The following ERICH3 variants were observed in gnomAD, a reference collection of about 807,000 sequenced individuals.
ERICH3 encodes glutamate rich 3, also known as glutamate-rich protein 3.
In ERICH3, 126 loss-of-function variants were observed where a neutral mutation model predicts 131.1. That is an observed-to-expected ratio of 0.96 (90% CI 0.83 to 1.11). The LOEUF is 1.11. Among genes scored for constraint, ERICH3 ranks in the 50% most tolerant of loss-of-function variants. The pLI is 0.00. For missense variants in ERICH3, 2,050 were observed against 1,810.7 expected (o/e 1.13, Z -2.40); for synonymous variants, 695 against 644.6 (o/e 1.08, Z -1.18).
intron 11 of ERICH3, among the ~76,000 whole-genome samples, chr1:74,598,166 C>T (rs755569864): frequency 6.7e-4 from 101 of 151,820 alleles, no homozygotes; most frequent in Non-Finnish European, 1.1e-3. Flanking sequence ...TAAAATTATA[C>T]TTTCTTATAT....
chr1:74,576,968 T>C (rs760009007), intron 12 of ERICH3, 32 bp from the exon 13 acceptor site: 4 of 1,544,878 alleles, frequency 2.6e-6, no homozygotes, highest in Admixed American at 3.8e-5. Context: ...AAAAAAAAGG[T>C]CAAATGAATC....
At chr1:74,592,753 C>T (rs1406335555) in intron 11 of ERICH3, among the ~76,000 whole-genome samples, 1 of 152,124 alleles carries the variant, frequency 6.6e-6, no homozygotes, top group Non-Finnish European at 1.5e-5. Flanking sequence ...CATACAAACT[C>T]ATTTCAGTTT....
chr1:74,636,809 T>A (rs1646393875), intron 5 of ERICH3, among the ~76,000 whole-genome samples: 1 of 152,138 alleles, frequency 6.6e-6, no homozygotes, highest in African/African-American at 2.4e-5. Context: ...ATTTTAGGGG[T>A]CTAAAAGGAT....
intron 6 of ERICH3, chr1:74,634,685 C>T (rs768062201): frequency 3.5e-5 from 25 of 714,506 alleles, no homozygotes; most frequent in Admixed American, 6.0e-5. Flanking sequence ...ATGGAAAGCA[C>T]CCATCCAAGT....
intron 13 of ERICH3, among the ~76,000 whole-genome samples, chr1:74,576,554 T>C (rs1647058095): frequency 6.6e-6 from 1 of 152,120 alleles, no homozygotes; most frequent in African/African-American, 2.4e-5. Flanking sequence ...AATAAAGTCC[T>C]TTTTCTCTGA....
intron 6 of ERICH3, among the ~76,000 whole-genome samples, chr1:74,633,260 G>A (rs1000797065): frequency 1.8e-4 from 28 of 151,794 alleles, no homozygotes; most frequent in Middle Eastern, 3.2e-3. Context: ...CATATGAACC[G>A]AAAGAGATTT....
At chr1:74,605,655 G>A (rs985877102) in intron 10 of ERICH3, among the ~76,000 whole-genome samples, 9 of 151,794 alleles carry the variant, frequency 5.9e-5, no homozygotes, top group Non-Finnish European at 1.0e-4. Flanking sequence ...CTGGAGAACA[G>A]CTGGTCAGTG....
intron 2 of ERICH3, 75 bp downstream of exon 2, chr1:74,649,147 A>C: frequency 9.8e-7 from 1 of 1,018,098 alleles, no homozygotes; most frequent in Non-Finnish European, 1.4e-6. Flanking sequence ...TCACTCAAAG[A>C]GAAAGCCTGA....
chr1:74,628,611 A>G (rs561697673), intron 7 of ERICH3, among the ~76,000 whole-genome samples: 1 of 152,128 alleles, frequency 6.6e-6, no homozygotes, highest in Non-Finnish European at 1.5e-5. Context: ...GGGGAGTCAA[A>G]GTTTATATAC....
chr1:74,665,965 G>A (rs572796129), intron 1 of ERICH3, among the ~76,000 whole-genome samples: 1 of 152,116 alleles, frequency 6.6e-6, no homozygotes, highest in African/African-American at 2.4e-5. Flanking sequence ...AGAAATAAGG[G>A]ACATCTTTTC....
intron 1 of ERICH3, among the ~76,000 whole-genome samples, chr1:74,652,326 C>T (rs1364436753): frequency 6.6e-6 from 1 of 152,106 alleles, no homozygotes; most frequent in Non-Finnish European, 1.5e-5. Flanking sequence ...GGGAGATGGT[C>T]AAATGCTGCG....
chr1:74,657,302 C>A (rs1646594124), intron 1 of ERICH3, among the ~76,000 whole-genome samples: 2 of 151,958 alleles, frequency 1.3e-5, no homozygotes, highest in South Asian at 4.2e-4. Flanking sequence ...AAATATAGTT[C>A]CCAGGGAGGC....
In ERICH3 at chr1:74,572,169, T is replaced by G; in HGVS notation, c.3541A>C (p.Arg1181=). The change falls in exon 14 of 15, where the codon AGA becomes CGA. Residue 1181 remains arginine (R), a synonymous_variant. Transcript: ENST00000326665. ...TCTGTGTCTCTGGCTTCACTCAGTC[T>G]TTCCCCTCCTCCTTCTTTCCTCAGA... ...TALRKEGGGE[R]LSEARDTEHK... is the part of the protein sequence containing the mutation. The G allele has an allele frequency of 6.2e-7, 1 of 1,612,036 alleles. No homozygotes were observed. The highest frequency in any genetic ancestry group is 8.5e-7 in the Non-Finnish European group (1 of 1,179,216).
At chr1:74,666,325 A>G (rs1477411012) in intron 1 of ERICH3, among the ~76,000 whole-genome samples, 1 of 152,036 alleles carries the variant, frequency 6.6e-6, no homozygotes, top group Non-Finnish European at 1.5e-5. Flanking sequence ...TCTATATGAA[A>G]TCTATATATC....
intron 9 of ERICH3, among the ~76,000 whole-genome samples, chr1:74,608,828 T>C (rs1648522646): frequency 6.6e-6 from 1 of 152,080 alleles, no homozygotes; most frequent in Non-Finnish European, 1.5e-5. Flanking sequence ...ATTACTAGCA[T>C]TGCCTTCTGT....
intron 11 of ERICH3, among the ~76,000 whole-genome samples, chr1:74,596,342 T>A (rs1426959259): frequency 2.6e-5 from 4 of 152,056 alleles, no homozygotes; most frequent in South Asian, 2.1e-4. Flanking sequence ...ATTTTTAAAT[T>A]TGTAATTGAC....
intron 12 of ERICH3, among the ~76,000 whole-genome samples, chr1:74,583,446 T>G (rs1647214809): frequency 6.6e-6 from 1 of 152,090 alleles, no homozygotes; most frequent in Non-Finnish European, 1.5e-5. Context: ...TATAACAATA[T>G]ACTACAATAA....
rs959061512 is a variant in ERICH3 at position 74,569,603 on chromosome 1, C to G, written c.*855G>C. 1 of 152,114 alleles carries G rather than the reference C, an allele frequency of 6.6e-6. No homozygotes were observed. Among genetic ancestry groups the G allele is most frequent in the African/African-American group, 2.4e-5 (1 of 41,400 alleles). 9.4% of individuals were successfully genotyped at this position (152,114 alleles called of 1,614,324 possible). On this transcript the variant is annotated 3_prime_UTR_variant, in exon 15 of 15. Transcript: ENST00000326665. The stretch of plus-strand genomic sequence containing the variant: ...CATTTAATGACATCAACTAAAGAGT[C>G]TAGAATGTTGGCATAATGCTGATGT...
At chr1:74,651,478 T>C (rs1303370533) in intron 1 of ERICH3, among the ~76,000 whole-genome samples, 1 of 152,130 alleles carries the variant, frequency 6.6e-6, no homozygotes, top group Non-Finnish European at 1.5e-5. Flanking sequence ...TGAACTGCCT[T>C]GGTGTCCTAT....
Sources: allele counts gnomAD v4.1 joint callset (sites outside exome capture counted in the v4.1 genomes callset), GRCh38; gene constraint gnomAD v4.1.1; transcripts MANE v1.5; gene names NCBI Gene and HGNC (gene_info 2026-07-23, HGNC 2026-07-21).